The following CTC1 variants were observed in gnomAD, a reference collection of about 807,000 sequenced individuals.
The protein encoded by CTC1 is CST telomere replication complex component 1.
A neutral mutation model predicts 136.3 loss-of-function variants in CTC1; 91 were observed. The observed-to-expected ratio is 0.67, with a 90% CI of 0.56 to 0.79. The LOEUF (loss-of-function observed/expected upper bound fraction) is 0.79, where lower values mean the gene tolerates loss of function less well. Ranked by LOEUF, CTC1 falls within the 30% of genes least tolerant of loss-of-function variation. CTC1 has a pLI of 0.00. For missense variants in CTC1, 1,432 were observed against 1,498.1 expected, an observed-to-expected ratio of 0.96 and a Z score of 0.73; for synonymous variants, 606 against 613.8, an observed-to-expected ratio of 0.99 and a Z score of 0.19.
In CTC1 at chr17:8,225,860, C is replaced by A. The variant is rs1317124151; in HGVS notation, c.*2320G>T. ...ATATATAACATTATGAGCCACCAAACCCAAAGAACTATAATGAAGAGCCAA... is the reference window on the plus strand; with the variant it reads ...ATATATAACATTATGAGCCACCAAAACCAAAGAACTATAATGAAGAGCCAA... On this transcript the variant is annotated 3_prime_UTR_variant, in exon 23 of 23. Coordinates refer to ENST00000651323, the MANE Select transcript of CTC1 (RefSeq NM_025099.6). 1 of 151,618 alleles carries A rather than the reference C, an allele frequency of 6.6e-6. No homozygotes were observed. Among genetic ancestry groups the A allele is most frequent in the Non-Finnish European group, 1.5e-5 (1 of 67,940 alleles). 9.4% of individuals were successfully genotyped at this position (151,618 alleles called of 1,614,324 possible).
rs1310220660 is a variant in CTC1 at position 8,225,851 on chromosome 17, G to C, written c.*2329C>G. 6.6e-6 allele frequency: 1 copy of C among 151,414 alleles called. No homozygotes were observed. Among genetic ancestry groups the C allele is most frequent in the African/African-American group, 2.4e-5 (1 of 41,252 alleles). The allele number at this position is 151,414 out of a possible 1,614,324, so 9.4% of individuals were successfully genotyped here. ...ATATACTATATATATAACATTATGA[G>C]CCACCAAACCCAAAGAACTATAATG... On this transcript the variant is annotated 3_prime_UTR_variant, in exon 23 of 23. Transcript: ENST00000651323.
chr17:8,226,639 G>A lies in CTC1; in HGVS notation c.*1541C>T, dbSNP rs554261837. 2 of 151,638 alleles carry A rather than the reference G, an allele frequency of 1.3e-5. No homozygotes were observed. The highest frequency in any genetic ancestry group is 4.9e-5 in the African/African-American group (2 of 40,916). 9.4% of individuals were successfully genotyped at this position (151,638 alleles called of 1,614,324 possible). Reference sequence around the variant, plus strand: ...GTCGGCAGGATTCGAACCTGCGCGGGGAGACCCCAATGGATTTCTAGTCCA... The same window carrying A: ...GTCGGCAGGATTCGAACCTGCGCGGAGAGACCCCAATGGATTTCTAGTCCA... On this transcript the variant is annotated 3_prime_UTR_variant, in exon 23 of 23. Coordinates refer to ENST00000651323, the MANE Select transcript of CTC1 (RefSeq NM_025099.6).
chr17:8,229,832 CAT>C, intron 18 of CTC1, 57 bp downstream of exon 18: 1 of 1,378,396 alleles, frequency 7.3e-7, no homozygotes, highest in African/African-American at 1.4e-5. Flanking sequence ...GAACCAGGGA[CAT>C]GTGGGAGATG....
rs190448956 is a variant in CTC1, at chr17:8,240,390, G to A, written c.198-1761C>T. ...AGGCTGGTCTCGAACTCTTGACCCC[G>A]TGATCCACCCGTCTCAGCCTCCCAA... On this transcript the variant is annotated intron_variant, in intron 2 of 22. Coordinates refer to ENST00000651323, the MANE Select transcript of CTC1 (RefSeq NM_025099.6). Among the ~76,000 whole-genome samples the A allele has an allele frequency of 1.4e-3, 216 of 150,930 alleles. 4 individuals are homozygous for A. Among genetic ancestry groups the A allele is most frequent in the Admixed American group, 0.012 (189 of 15,164 alleles).
At position 8,228,618 on chromosome 17, in the gene CTC1, C is replaced by G. The variant is rs767630257; in HGVS notation, c.3399G>C (p.Arg1133Ser). ...GPGAQLESSA[R>S]VDEPMTMFLW... ...GGAACATGGTCATGGGCTCGTCAAC[C>G]CTGGCTGAAGACTAGAAAGAGAAGG... is the stretch of plus-strand genomic sequence containing the variant. Residue 1133 changes from arginine (R) to serine (S), a missense_variant, in exon 22 of 23, where the codon AGG becomes AGC. Coordinates refer to ENST00000651323, the MANE Select transcript of CTC1 (RefSeq NM_025099.6). The G allele has an allele frequency of 6.2e-7, 1 of 1,614,170 alleles. No homozygotes were observed. Among genetic ancestry groups the G allele is most frequent in the Non-Finnish European group, 8.5e-7 (1 of 1,180,016 alleles).
intron 1 of CTC1, 174 bp downstream of exon 1, chr17:8,247,830 A>C: frequency 1.5e-6 from 1 of 648,952 alleles, no homozygotes. Flanking sequence ...TGAATGAGGG[A>C]ATAAACATTC....
chr17:8,243,185 T>A (rs776792408), intron 1 of CTC1, 37 bp from the exon 2 acceptor site: 25 of 1,584,314 alleles, frequency 1.6e-5, no homozygotes, highest in Non-Finnish European at 2.0e-5. Flanking sequence ...ATCTTGACTA[T>A]CCGGCCCACC....
Position 8,237,665 on chromosome 17 carries a change from CAAAAAAAAAAAAAAAAAAA to C in CTC1, c.648-165_648-147del, listed in dbSNP as rs71159568. Reference sequence around the variant, plus strand: ...GGGCAGCAGGAGTGAAACTACGTCTCAAAAAAAAAAAAAAAAAAAAAAAAAAAAAAAAAAAAAGCAGCAG... The same window carrying C: ...GGGCAGCAGGAGTGAAACTACGTCTCAAAAAAAAAAAAAAAAAAGCAGCAG... On this transcript the variant is annotated intron_variant, in intron 4 of 22. Transcript: ENST00000651323. 460 of 58,150 alleles carry C rather than the reference CAAAAAAAAAAAAAAAAAAA, an allele frequency of 7.9e-3. 1 individual carries two copies. The highest frequency in any genetic ancestry group is 0.029 in the Middle Eastern group (4 of 136). 3.6% of individuals were successfully genotyped at this position (58,150 alleles called of 1,614,324 possible).
chr17:8,234,448 C>T lies in CTC1; in HGVS notation c.1818+7G>A, dbSNP rs1490237559. 6.4e-7 allele frequency: 1 copy of T among 1,551,592 alleles called. No individual in the cohort carries two copies. The highest frequency in any genetic ancestry group is 2.0e-5 in the Admixed American group (1 of 51,006). On this transcript the variant is annotated splice_region_variant and intron_variant, in intron 10 of 22. Coordinates refer to ENST00000651323, the MANE Select transcript of CTC1 (RefSeq NM_025099.6). ...AATCACCTGAGCCCTGCTAGGGTCC[C>T]CCTTACCTGGGCTGGGCAGAAGGCA...
intron 6 of CTC1, 31 bp from the exon 7 acceptor site, chr17:8,235,990 TA>T: frequency 6.2e-7 from 1 of 1,600,224 alleles, no homozygotes; most frequent in East Asian, 2.2e-5. Context: ...AGTTGACCAC[TA>T]TTTTCTTCCT....
chr17:8,228,920 G>A (rs555293847), intron 20 of CTC1, 28 bp from the exon 21 acceptor site: 15 of 1,586,580 alleles, frequency 9.5e-6, no homozygotes, highest in Admixed American at 1.9e-5. Context: ...AAATAAAAAC[G>A]CCTATAGCAA....
intron 17 of CTC1, 127 bp downstream of exon 17, chr17:8,230,167 T>A (rs902131226): frequency 9.3e-7 from 1 of 1,074,148 alleles, no homozygotes. Context: ...TGGGCACAAA[T>A]GGCAGACTGA....
At chr17:8,245,795 G>GGTGGCTC (rs1988630362) in intron 1 of CTC1, among the ~76,000 whole-genome samples, 1 of 152,198 alleles carries the variant, frequency 6.6e-6, no homozygotes, top group African/African-American at 2.4e-5. Flanking sequence ...AGCTGGGCAT[G>GGTGGCTC]GTGGCTCGTG....
chr17:8,240,628 C>CCAG (rs1462255573), intron 2 of CTC1, among the ~76,000 whole-genome samples: 1 of 151,952 alleles, frequency 6.6e-6, no homozygotes, highest in Non-Finnish European at 1.5e-5. Context: ...GCCTGTAATC[C>CCAG]CAGCACTTTG....
intron 2 of CTC1, among the ~76,000 whole-genome samples, 184 bp from the exon 3 acceptor site, chr17:8,238,813 C>T (rs1056733004): frequency 2.0e-5 from 3 of 152,014 alleles, no homozygotes; most frequent in African/African-American, 2.4e-5. Flanking sequence ...AGGATGGGGC[C>T]GGGCGAGTGG....
intron 2 of CTC1, among the ~76,000 whole-genome samples, chr17:8,240,443 C>T (rs1294976388): frequency 1.3e-5 from 2 of 150,050 alleles, no homozygotes; most frequent in African/African-American, 2.5e-5. Flanking sequence ...CGTGAGCCAT[C>T]CATTGCGCCC....
chr17:8,237,488 C>A lies in CTC1; in HGVS notation c.679G>T (p.Ala227Ser), dbSNP rs973752745. Residue 227 changes from alanine (A) to serine (S), a missense_variant, in exon 5 of 23, where the codon GCT becomes TCT. Ala to Ser is a moderately conservative substitution (Grantham distance 99). Coordinates refer to ENST00000651323, the MANE Select transcript of CTC1 (RefSeq NM_025099.6). ...NKLRGVQRNLAGSLVRLSALV... is the reference protein window; with the variant it reads ...NKLRGVQRNLSGSLVRLSALV... ...GCACTCAATCGAACTAGACTCCCAG[C>A]CAGGTTTCGCTGCACACCTCTGAGC... 4 of 1,613,734 alleles carry A rather than the reference C, an allele frequency of 2.5e-6. No individual in the cohort carries two copies. The highest frequency in any genetic ancestry group is 3.4e-6 in the Non-Finnish European group (4 of 1,179,982).
intron 9 of CTC1, 41 bp downstream of exon 9, chr17:8,234,708 C>T: frequency 6.3e-7 from 1 of 1,582,178 alleles, no homozygotes; most frequent in Non-Finnish European, 8.6e-7. Context: ...CCCAGGTGTC[C>T]TCCAGTGTTC....
Position 8,230,614 on chromosome 17 carries a change from A to C in CTC1, c.2707T>G (p.Leu903Val). ...DSLVSFSAEI[L>V]SRTLCEPLVA... ...AGGGGTTCACATAGTGTCCGTGACA[A>C]AATCTCAGCGGAGAAAGACACCAAG... The change falls in exon 16 of 23, where the codon TTG (leucine) becomes GTG (valine). Residue 903 changes from leucine to valine, a missense_variant. Leu to Val is a conservative substitution (Grantham distance 32). Coordinates refer to ENST00000651323, the MANE Select transcript of CTC1 (RefSeq NM_025099.6). 6.2e-7 allele frequency: 1 copy of C among 1,614,206 alleles called. No individual in the cohort carries two copies. Among genetic ancestry groups the C allele is most frequent in the Non-Finnish European group, 8.5e-7 (1 of 1,180,026 alleles).
Sources: allele counts gnomAD v4.1 joint callset (sites outside exome capture counted in the v4.1 genomes callset), GRCh38; gene constraint gnomAD v4.1.1; transcripts MANE v1.5; gene names NCBI Gene and HGNC (gene_info 2026-07-23, HGNC 2026-07-21).